CPNE4: variants seen among roughly 807,000 people sequenced by gnomAD.
CPNE4 encodes the protein copine 4, also known as copine-4.
CPNE4 carries 25 observed loss-of-function variants against 67.9 expected under a neutral mutation model. The observed-to-expected ratio is 0.37, with a 90% CI of 0.27 to 0.51. The LOEUF is 0.51. Among genes scored for constraint, CPNE4 ranks in the 20% least tolerant of loss-of-function variants. The probability of loss-of-function intolerance (pLI) is 0.93; values close to 1 mark genes in which losing one functional copy is unlikely to be tolerated. For synonymous variants in CPNE4, 242 were observed against 244.9 expected (o/e 0.99, Z 0.11); for missense variants, 464 against 690.8 (o/e 0.67, Z 3.68).
intron 14 of CPNE4, among the ~76,000 whole-genome samples, chr3:131,547,750 C>A (rs989077526): frequency 2.0e-5 from 3 of 152,042 alleles, no homozygotes; most frequent in African/African-American, 7.2e-5. Flanking sequence ...GGTCTCCAGT[C>A]CTTTTCACAG....
intron 7 of CPNE4, among the ~76,000 whole-genome samples, chr3:131,631,478 C>G (rs1376545375): frequency 6.6e-6 from 1 of 152,290 alleles, no homozygotes; most frequent in East Asian, 1.9e-4. Context: ...ATAAACAATT[C>G]AATTCAACAA....
At chr3:131,862,026 C>G (rs527330862) in intron 2 of CPNE4, among the ~76,000 whole-genome samples, 4 of 152,232 alleles carry the variant, frequency 2.6e-5, no homozygotes, top group Non-Finnish European at 4.4e-5. Flanking sequence ...TATTCAAGTC[C>G]CAGTAGACAC....
At chr3:131,679,222 G>A (rs2102177) in intron 6 of CPNE4, among the ~76,000 whole-genome samples, 80,257 of 151,882 alleles carry the variant, frequency 0.53, 21,725 homozygotes, top group East Asian at 0.8. Context: ...TGTGCATAGC[G>A]GTGTTTATAA....
chr3:131,679,011 A>AT (rs1220946199), intron 6 of CPNE4, among the ~76,000 whole-genome samples: 1 of 152,034 alleles, frequency 6.6e-6, no homozygotes, highest in Non-Finnish European at 1.5e-5. Context: ...GGTACCAACT[A>AT]TTTTTTGTGT....
chr3:131,766,254 C>T (rs1416696894), intron 2 of CPNE4, among the ~76,000 whole-genome samples: 4 of 151,508 alleles, frequency 2.6e-5, no homozygotes, highest in Non-Finnish European at 5.9e-5. Flanking sequence ...AATAATAATA[C>T]CTAGTTTGTA....
chr3:131,673,042 C>A (rs960320277), intron 6 of CPNE4, among the ~76,000 whole-genome samples: 7 of 152,062 alleles, frequency 4.6e-5, no homozygotes, highest in Non-Finnish European at 1.0e-4. Context: ...GGTCTAGTTT[C>A]ATTCTTCCAC....
intron 2 of CPNE4, among the ~76,000 whole-genome samples, chr3:131,848,320 A>AT: frequency 6.6e-6 from 1 of 152,130 alleles, no homozygotes; most frequent in East Asian, 1.9e-4. Flanking sequence ...CTTTGTTTCA[A>AT]TATCTCTTGG....
intron 2 of CPNE4, among the ~76,000 whole-genome samples, chr3:131,875,195 A>C (rs2087386659): frequency 6.6e-6 from 1 of 152,174 alleles, no homozygotes; most frequent in African/African-American, 2.4e-5. Context: ...TTGTCACAGA[A>C]GGCACTAAAT....
intron 1 of CPNE4, among the ~76,000 whole-genome samples, chr3:131,957,415 A>G (rs2072010648): frequency 6.6e-6 from 1 of 152,226 alleles, no homozygotes; most frequent in South Asian, 2.1e-4. Context: ...TTATAAAGAG[A>G]GCTAAAGAGG....
chr3:131,577,008 G>A (rs79635700), intron 9 of CPNE4, among the ~76,000 whole-genome samples: 1 of 152,038 alleles, frequency 6.6e-6, no homozygotes, highest in Non-Finnish European at 1.5e-5. Context: ...ATAGGAATTA[G>A]CTAACACTGG....
At chr3:131,949,176 AT>A (rs1417797493) in intron 1 of CPNE4, among the ~76,000 whole-genome samples, 1 of 152,198 alleles carries the variant, frequency 6.6e-6, no homozygotes, top group Non-Finnish European at 1.5e-5. Context: ...CATCTCTATG[AT>A]TTGCAGGGCC....
intron 2 of CPNE4, among the ~76,000 whole-genome samples, chr3:131,904,881 C>A (rs1184686018): frequency 1.3e-5 from 2 of 152,074 alleles, no homozygotes; most frequent in Admixed American, 1.3e-4. Context: ...TCTGCCTTGG[C>A]CACAAGACTT....
chr3:131,625,367 G>A lies in CPNE4; in HGVS notation c.682-37785C>T, dbSNP rs576082140. On this transcript the variant is annotated intron_variant, in intron 7 of 15. Coordinates refer to ENST00000429747, the MANE Select transcript of CPNE4 (RefSeq NM_130808.3). Reference sequence around the variant, plus strand: ...TATTGGCTTGAAGTCATTATTGATTGAAGGAAGCACCATTATTTCAGGTCC... The same window carrying A: ...TATTGGCTTGAAGTCATTATTGATTAAAGGAAGCACCATTATTTCAGGTCC... Among the ~76,000 whole-genome samples the A allele has an allele frequency of 6.6e-5, 10 of 152,196 alleles. No individual in the cohort carries two copies. The South Asian group carries it at 2.1e-3, about 32-fold the overall frequency.
chr3:131,949,391 G>A (rs1407159878), intron 1 of CPNE4, among the ~76,000 whole-genome samples: 1 of 152,154 alleles, frequency 6.6e-6, no homozygotes, highest in Admixed American at 6.5e-5. Flanking sequence ...GAGAAGAATG[G>A]AGGAAAGCAG....
At chr3:131,643,039 A>C (rs2079576100) in intron 7 of CPNE4, among the ~76,000 whole-genome samples, 1 of 152,090 alleles carries the variant, frequency 6.6e-6, no homozygotes, top group South Asian at 2.1e-4. Flanking sequence ...GGAAGATGTG[A>C]GAAAGTTTGA....
chr3:131,687,408 G>C (rs757954505), intron 5 of CPNE4, among the ~76,000 whole-genome samples: 1 of 152,134 alleles, frequency 6.6e-6, no homozygotes, highest in South Asian at 2.1e-4. Flanking sequence ...ACATAAATAA[G>C]TGAATGGATA....
At chr3:131,535,443 C>T (rs562581191) in intron 15 of CPNE4, 114 bp from the exon 16 acceptor site, 42 of 1,086,794 alleles carry the variant, frequency 3.9e-5, no homozygotes, top group South Asian at 1.6e-4. Flanking sequence ...TTCATTCATT[C>T]GTTATTTGTC....
At chr3:132,024,256 G>T (rs2074067520) in intron 1 of CPNE4, among the ~76,000 whole-genome samples, 1 of 151,914 alleles carries the variant, frequency 6.6e-6, no homozygotes, top group African/African-American at 2.4e-5. Context: ...GCTAATTTTT[G>T]TATTTTTAGT....
At chr3:131,938,768 A>T (rs1424435298) in intron 1 of CPNE4, among the ~76,000 whole-genome samples, 1 of 152,090 alleles carries the variant, frequency 6.6e-6, no homozygotes, top group Non-Finnish European at 1.5e-5. Flanking sequence ...CCCTCAACAC[A>T]TGAGGATTAC....
Sources: gnomAD v4.1 joint callset for allele counts (sites outside exome capture counted in the v4.1 genomes callset) on GRCh38, gnomAD v4.1.1 for gene constraint, MANE v1.5 for transcripts, NCBI Gene and HGNC (gene_info 2026-07-23, HGNC 2026-07-21) for gene names.